The following PRIM2 variants were observed in gnomAD, a reference collection of about 807,000 sequenced individuals.
PRIM2 encodes DNA primase subunit 2.
A neutral mutation model predicts 67.3 loss-of-function variants in PRIM2; 39 were observed. The ratio of observed to expected loss-of-function variants is 0.58; its 90% CI spans 0.45 to 0.76. The LOEUF is 0.76. Ranked by LOEUF, PRIM2 falls within the 30% of genes least tolerant of loss-of-function variation. The pLI, the probability that PRIM2 is intolerant of heterozygous loss-of-function variation, is 0.00. For missense variants in PRIM2, 398 were observed against 598.7 expected, an observed-to-expected ratio of 0.66 and a Z score of 3.50; for synonymous variants, 143 against 198.7, an observed-to-expected ratio of 0.72 and a Z score of 2.36.
intron 12 of PRIM2, among the ~76,000 whole-genome samples, chr6:57,613,191 A>G (rs1281734324): frequency 3.3e-5 from 5 of 152,186 alleles, no homozygotes; most frequent in Non-Finnish European, 7.3e-5. Context: ...TTAAGTTTAT[A>G]TCAGGAACTT....
At chr6:57,487,833 T>A (rs1414943584) in intron 7 of PRIM2, among the ~76,000 whole-genome samples, 1 of 152,182 alleles carries the variant, frequency 6.6e-6, no homozygotes, top group Non-Finnish European at 1.5e-5. Flanking sequence ...GGTGGGAGTT[T>A]TAGTAGTGTT....
intron 8 of PRIM2, among the ~76,000 whole-genome samples, chr6:57,515,195 G>T (rs1348393560): frequency 6.6e-6 from 1 of 152,136 alleles, no homozygotes; most frequent in Non-Finnish European, 1.5e-5. Flanking sequence ...CTGCATAATA[G>T]TCAATCAAGA....
At chr6:57,380,631 T>C (rs1456398165) in intron 6 of PRIM2, among the ~76,000 whole-genome samples, 1 of 152,090 alleles carries the variant, frequency 6.6e-6, no homozygotes, top group Admixed American at 6.6e-5. Context: ...ACAATTTCCT[T>C]TGAAAAGAAT....
In PRIM2 at chr6:57,601,053, T is replaced by C. The variant is rs1374769899; in HGVS notation, c.1021-40T>C. The C allele has an allele frequency of 2.7e-5, 42 of 1,557,000 alleles. No homozygotes were observed. In the Admixed American group the frequency reaches 8.0e-4, roughly 30 times the overall value. ...GTTGCTGACCTCACTAGTATAATTA[T>C]TGGCTGACTTTGTCTCTTTTTCCAT... On this transcript the variant is annotated intron_variant, in intron 10 of 13. Transcript: ENST00000615550.
the PRIM2 span, among the ~76,000 whole-genome samples, chr6:57,253,264 C>T: frequency 6.6e-6 from 1 of 152,138 alleles, no homozygotes; most frequent in African/African-American, 2.4e-5. Context: ...TCTGTGGTAT[C>T]TCTAAATGGT....
intron 5 of PRIM2, among the ~76,000 whole-genome samples, chr6:57,357,233 T>C (rs1769059419): frequency 6.6e-6 from 1 of 152,044 alleles, no homozygotes; most frequent in Non-Finnish European, 1.5e-5. Flanking sequence ...TGCCGGCCTA[T>C]CCAATCCATT....
intron 7 of PRIM2, among the ~76,000 whole-genome samples, chr6:57,417,140 T>C (rs1288750176): frequency 6.6e-6 from 1 of 152,040 alleles, no homozygotes; most frequent in East Asian, 1.9e-4. Flanking sequence ...CTAATTTTTG[T>C]ATTTTTAGCA....
chr6:57,378,414 GAT>G (rs1769845321), intron 5 of PRIM2, among the ~76,000 whole-genome samples: 1 of 151,952 alleles, frequency 6.6e-6, no homozygotes, highest in Non-Finnish European at 1.5e-5. Context: ...ACTTCATACA[GAT>G]TGTGCTTGTC....
intron 7 of PRIM2, among the ~76,000 whole-genome samples, chr6:57,451,465 T>C (rs528275989): frequency 6.6e-6 from 1 of 152,202 alleles, no homozygotes; most frequent in African/African-American, 2.4e-5. Flanking sequence ...GTAGTACTTA[T>C]GTTAGGAAGT....
At chr6:57,476,870 C>T (rs1454944953) in intron 7 of PRIM2, among the ~76,000 whole-genome samples, 6 of 152,292 alleles carry the variant, frequency 3.9e-5, no homozygotes, top group African/African-American at 1.2e-4. Context: ...GCCTCAGCCT[C>T]CCAAGTAGGT....
chr6:57,305,381 G>A, the PRIM2 span, among the ~76,000 whole-genome samples: 1 of 152,202 alleles, frequency 6.6e-6, no homozygotes, highest in Non-Finnish European at 1.5e-5. Context: ...GGAGTGTCTG[G>A]TCTATGTCAG....
intron 13 of PRIM2, among the ~76,000 whole-genome samples, chr6:57,636,668 G>T (rs1777127202): frequency 6.6e-6 from 1 of 152,202 alleles, no homozygotes; most frequent in Non-Finnish European, 1.5e-5. Flanking sequence ...ACAGAGCCAT[G>T]GCACAAATCC....
At chr6:57,267,918 A>G in the PRIM2 span, among the ~76,000 whole-genome samples, 2 of 152,096 alleles carry the variant, frequency 1.3e-5, no homozygotes, top group East Asian at 3.9e-4. Flanking sequence ...TTCATTCAAA[A>G]TGAAATCATT....
intron 7 of PRIM2, among the ~76,000 whole-genome samples, chr6:57,394,061 A>G (rs570648596): frequency 5.9e-5 from 9 of 152,288 alleles, no homozygotes; most frequent in Admixed American, 2.0e-4. Context: ...TTGGGTGACT[A>G]TGGCCTATAG....
chr6:57,272,694 G>A, the PRIM2 span, among the ~76,000 whole-genome samples: 7 of 152,222 alleles, frequency 4.6e-5, no homozygotes, highest in East Asian at 3.9e-4. Flanking sequence ...TATTTTGCTC[G>A]TTAGTTGATG....
At chr6:57,627,496 C>A (rs1776971544) in intron 12 of PRIM2, among the ~76,000 whole-genome samples, 1 of 151,088 alleles carries the variant, frequency 6.6e-6, no homozygotes, top group African/African-American at 2.4e-5. Context: ...TCAAGCGATT[C>A]TCCTGCCTCA....
chr6:57,337,490 C>A (rs1768297565), intron 5 of PRIM2, among the ~76,000 whole-genome samples: 1 of 151,586 alleles, frequency 6.6e-6, no homozygotes, highest in South Asian at 2.1e-4. Context: ...TGTAAAAGAA[C>A]AGAAATTATA....
the PRIM2 span, among the ~76,000 whole-genome samples, chr6:57,237,125 T>TA: frequency 2.1e-3 from 313 of 151,960 alleles, no homozygotes; most frequent in African/African-American, 6.9e-3. Flanking sequence ...TGTGAGATAG[T>TA]ATCTCATTGT....
At chr6:57,296,834 A>G in the PRIM2 span, among the ~76,000 whole-genome samples, 1 of 152,150 alleles carries the variant, frequency 6.6e-6, no homozygotes, top group South Asian at 2.1e-4. Flanking sequence ...GGCAGGGGAA[A>G]GAAATGTAAA....
Sources: gnomAD v4.1 joint callset for allele counts (sites outside exome capture counted in the v4.1 genomes callset) on GRCh38, gnomAD v4.1.1 for gene constraint, MANE v1.5 for transcripts, NCBI Gene and HGNC (gene_info 2026-07-23, HGNC 2026-07-21) for gene names.